The following GFOD1 variants were observed in gnomAD, a reference collection of about 807,000 sequenced individuals.
GFOD1 encodes glucose-fructose oxidoreductase domain-containing protein 1.
Under a neutral mutation model 25.4 loss-of-function variants are expected in GFOD1, and 9 were observed. The observed-to-expected ratio is 0.35, with a 90% CI of 0.21 to 0.62. The LOEUF (loss-of-function observed/expected upper bound fraction) is 0.62. Among genes scored for constraint, GFOD1 ranks in the 20% least tolerant of loss-of-function variants. The pLI, the probability that GFOD1 is intolerant of heterozygous loss-of-function variation, is 0.72. For synonymous variants in GFOD1, 253 were observed against 245.6 expected, an observed-to-expected ratio of 1.03 and a Z score of -0.28; for missense variants, 403 against 556.9, an observed-to-expected ratio of 0.72 and a Z score of 2.78.
chr6:13,469,882 C>T, intron 1 of GFOD1: 1 of 1,261,908 alleles, frequency 7.9e-7, no homozygotes, highest in Middle Eastern at 2.2e-4. Context: ...ATGTCTCACA[C>T]CAAATCTGGC....
At chr6:13,387,385 C>T (rs1785496742) in intron 1 of GFOD1, among the ~76,000 whole-genome samples, 2 of 152,132 alleles carry the variant, frequency 1.3e-5, no homozygotes, top group African/African-American at 2.4e-5. Context: ...ACTGGCAAAC[C>T]GAATCCAGCA....
At chr6:13,371,830 T>C (rs1182253736) in intron 1 of GFOD1, among the ~76,000 whole-genome samples, 3 of 152,138 alleles carry the variant, frequency 2.0e-5, no homozygotes, top group African/African-American at 7.2e-5. Flanking sequence ...CACGGCTCCA[T>C]GCTCAGCTCG....
chr6:13,481,260 A>C (rs933443855), intron 1 of GFOD1, among the ~76,000 whole-genome samples: 2 of 152,244 alleles, frequency 1.3e-5, no homozygotes, highest in Non-Finnish European at 2.9e-5. Context: ...GCCCAAAGTA[A>C]CACGTAAGCT....
intron 1 of GFOD1, among the ~76,000 whole-genome samples, chr6:13,473,664 C>T (rs1758555111): frequency 6.6e-6 from 1 of 152,246 alleles, no homozygotes; most frequent in African/African-American, 2.4e-5. Flanking sequence ...TCTCGCAGAA[C>T]CAGTGGTTCC....
intron 1 of GFOD1, among the ~76,000 whole-genome samples, chr6:13,434,593 G>C (rs1757804987): frequency 6.6e-6 from 1 of 152,252 alleles, no homozygotes; most frequent in South Asian, 2.1e-4. Context: ...CAGAAGTCAA[G>C]TGCAGGGCAT....
At chr6:13,374,269 T>TGTGTG (rs1388428104) in intron 1 of GFOD1, among the ~76,000 whole-genome samples, 2,346 of 121,712 alleles carry the variant, frequency 0.019, 37 homozygotes, top group Middle Eastern at 0.065. Context: ...AATATGTTTT[T>TGTGTG]TTTTTGTGTG....
intron 1 of GFOD1, among the ~76,000 whole-genome samples, chr6:13,424,831 G>A (rs1193160815): frequency 6.6e-6 from 1 of 152,030 alleles, no homozygotes; most frequent in Non-Finnish European, 1.5e-5. Flanking sequence ...CTTCTCATGA[G>A]GGGACAAATC....
chr6:13,364,576 G>T lies in GFOD1; in HGVS notation c.*167C>A. 1.6e-6 allele frequency: 1 copy of T among 624,966 alleles called. No homozygotes were observed. Among genetic ancestry groups the T allele is most frequent in the Non-Finnish European group, 2.8e-6 (1 of 360,472 alleles). 38.7% of individuals were successfully genotyped at this position (624,966 alleles called of 1,614,324 possible). On this transcript the variant is annotated 3_prime_UTR_variant, in exon 2 of 2. Transcript: ENST00000379287. This position sits in a 1 kb window ranked among gnomAD's most constrained non-coding sequence, Gnocchi z 4.1. ...TCAGCCCACCAACAGTCTGGTTTGG[G>T]GTCGGTCACCGGGATTGGAGTTTAC...
intron 1 of GFOD1, among the ~76,000 whole-genome samples, chr6:13,450,735 A>G (rs1044569892): frequency 6.6e-6 from 1 of 152,210 alleles, no homozygotes; most frequent in Non-Finnish European, 1.5e-5. Flanking sequence ...CAGACTCCCA[A>G]ATAGAAAGCA....
In GFOD1 at chr6:13,358,333, TATATACTC is replaced by T. The variant is rs1372111078; in HGVS notation, c.*6402_*6409del. The T allele has an allele frequency of 6.6e-6, 1 of 152,132 alleles. No homozygotes were observed. The highest frequency in any genetic ancestry group is 2.4e-5 in the African/African-American group (1 of 41,406). 9.4% of individuals were successfully genotyped at this position (152,132 alleles called of 1,614,324 possible). The stretch of plus-strand genomic sequence containing the variant: ...GTTTGGTTTTATACATATACATACA[TATATACTC>T]ATGTTTGTAAAACACAATAAATATA... On this transcript the variant is annotated 3_prime_UTR_variant, in exon 2 of 2. Transcript: ENST00000379287.
At chr6:13,428,167 G>T (rs958795348) in intron 1 of GFOD1, among the ~76,000 whole-genome samples, 1 of 152,166 alleles carries the variant, frequency 6.6e-6, no homozygotes, top group Admixed American at 6.5e-5. Flanking sequence ...TGTGAATTTT[G>T]AACTCCTTTT....
At chr6:13,445,540 T>C (rs1435843826) in intron 1 of GFOD1, among the ~76,000 whole-genome samples, 2 of 152,226 alleles carry the variant, frequency 1.3e-5, no homozygotes, top group African/African-American at 4.8e-5. Context: ...CATTTGGCAA[T>C]GCCTGGCTTC....
chr6:13,444,825 C>T (rs62385769), intron 1 of GFOD1, among the ~76,000 whole-genome samples: 38,001 of 152,018 alleles, frequency 0.25, 5,496 homozygotes, highest in Non-Finnish European at 0.32. Flanking sequence ...ATTGCAGTGG[C>T]CTGGAACCGC....
chr6:13,389,655 C>T (rs2127560749), intron 1 of GFOD1, among the ~76,000 whole-genome samples: 1 of 152,130 alleles, frequency 6.6e-6, no homozygotes, highest in South Asian at 2.1e-4. Flanking sequence ...GGAGAAATAC[C>T]TAATGTAAAT....
intron 1 of GFOD1, among the ~76,000 whole-genome samples, chr6:13,443,588 G>A (rs1757952501): frequency 6.6e-6 from 1 of 152,104 alleles, no homozygotes; most frequent in Non-Finnish European, 1.5e-5. Flanking sequence ...GGCTGAGGTG[G>A]GTGGATCGCT....
Position 13,367,846 on chromosome 6 carries a change from C to T in GFOD1, c.254-2184G>A, listed in dbSNP as rs941067434. 2.0e-5 allele frequency among the ~76,000 whole-genome samples: 3 copies of T among 151,926 alleles called. No individual in the cohort carries two copies. The South Asian group carries it at 6.2e-4, about 32-fold the overall frequency. ...CAAAAAGACTTGGGAGTCAAAGCACCTGTCCTGGGGCAGGTCTCTGTGGTC... is the reference window on the plus strand; with the variant it reads ...CAAAAAGACTTGGGAGTCAAAGCACTTGTCCTGGGGCAGGTCTCTGTGGTC... On this transcript the variant is annotated intron_variant, in intron 1 of 1. Coordinates refer to ENST00000379287, the MANE Select transcript of GFOD1 (RefSeq NM_018988.4).
At chr6:13,469,484 C>A in intron 1 of GFOD1, 1 of 990,778 alleles carries the variant, frequency 1.0e-6, no homozygotes, top group Non-Finnish European at 1.2e-6. Flanking sequence ...TATACTTTGT[C>A]AATAAAAATG....
chr6:13,387,046 CTG>C (rs1026500611), intron 1 of GFOD1, among the ~76,000 whole-genome samples: 5 of 55,672 alleles, frequency 9.0e-5, no homozygotes, highest in African/African-American at 1.6e-4. Flanking sequence ...AGGTGTACTT[CTG>C]TGTGCTTCTG....
intron 1 of GFOD1, among the ~76,000 whole-genome samples, chr6:13,368,022 A>G (rs2127555192): frequency 6.6e-6 from 1 of 152,288 alleles, no homozygotes; most frequent in South Asian, 2.1e-4. Flanking sequence ...AAATCCACGA[A>G]CACTTACAAC....
Sources: gnomAD v4.1 joint callset for allele counts (sites outside exome capture counted in the v4.1 genomes callset) on GRCh38, gnomAD v4.1.1 for gene constraint, Gnocchi (gnomAD v3.1) non-coding constraint, MANE v1.5 for transcripts, NCBI Gene and HGNC (gene_info 2026-07-23, HGNC 2026-07-21) for gene names.